The following STIM1 variants were observed in gnomAD, a reference collection of about 807,000 sequenced individuals.
STIM1 encodes the protein stromal interaction molecule 1.
A neutral mutation model predicts 74.7 loss-of-function variants in STIM1; 25 were observed. The ratio of observed to expected loss-of-function variants is 0.33; its 90% CI spans 0.24 to 0.47. STIM1 has a LOEUF of 0.47. Ranked by LOEUF, STIM1 falls within the 20% of genes least tolerant of loss-of-function variation. The pLI, the probability that STIM1 is intolerant of heterozygous loss-of-function variation, is 1.00. For missense variants in STIM1, 728 were observed against 920.8 expected, an observed-to-expected ratio of 0.79 and a Z score of 2.71; for synonymous variants, 328 against 348.8, an observed-to-expected ratio of 0.94 and a Z score of 0.66.
rs529610467 is a variant in STIM1 at position 3,873,375 on chromosome 11, G to A, written c.139+16966G>A. Among the ~76,000 whole-genome samples the A allele has an allele frequency of 4.2e-5, 6 of 142,562 alleles. No individual in the cohort carries two copies. In the South Asian group the frequency reaches 1.1e-3, roughly 26 times the overall value. 93.5% of individuals were successfully genotyped at this position (142,562 alleles called of 152,430 possible). ...GTAGGTTGCAGTGAGCCGAGATTGCGCCATTGCACTCCAGCCTGGGCAACA... is the reference window on the plus strand; with the variant it reads ...GTAGGTTGCAGTGAGCCGAGATTGCACCATTGCACTCCAGCCTGGGCAACA... On this transcript the variant is annotated intron_variant, in intron 1 of 12. Coordinates refer to ENST00000526596, the MANE Select transcript of STIM1 (RefSeq NM_001382567.1).
intron 1 of STIM1, among the ~76,000 whole-genome samples, chr11:3,964,268 G>T (rs1018445173): frequency 6.6e-6 from 1 of 152,202 alleles, no homozygotes; most frequent in Non-Finnish European, 1.5e-5. Context: ...TGCCAGATTG[G>T]AATGCGTAAG....
chr11:3,857,559 A>C (rs1440586611), intron 1 of STIM1, among the ~76,000 whole-genome samples: 1 of 151,944 alleles, frequency 6.6e-6, no homozygotes, highest in Admixed American at 6.6e-5. Context: ...GTCATTTTAC[A>C]TAAGGCTTAC....
intron 2 of STIM1, among the ~76,000 whole-genome samples, chr11:4,014,209 A>G (rs936408098): frequency 6.6e-6 from 1 of 152,166 alleles, no homozygotes; most frequent in Non-Finnish European, 1.5e-5. Context: ...TTCCCTCTAC[A>G]CACTGTTTTA....
At chr11:3,949,790 G>A (rs1155146) in intron 1 of STIM1, among the ~76,000 whole-genome samples, 52,229 of 151,982 alleles carry the variant, frequency 0.34, 9,179 homozygotes, top group South Asian at 0.48. Flanking sequence ...TGGACAAGCT[G>A]TAGTATATCA....
intron 7 of STIM1, 76 bp downstream of exon 7, chr11:4,074,755 T>C (rs2094427716): frequency 6.8e-7 from 1 of 1,467,436 alleles, no homozygotes; most frequent in African/African-American, 1.4e-5. Flanking sequence ...GCTAGAAAGT[T>C]ACATGTGTGA....
chr11:4,069,999 C>T (rs200607826), intron 5 of STIM1, 27 bp from the exon 6 acceptor site: 853 of 1,613,186 alleles, frequency 5.3e-4, no homozygotes, highest in Non-Finnish European at 6.9e-4. Flanking sequence ...GGCACCCTAA[C>T]TCATCATGCC....
intron 7 of STIM1, among the ~76,000 whole-genome samples, chr11:4,076,684 T>G (rs1273611924): frequency 6.6e-6 from 1 of 150,866 alleles, no homozygotes; most frequent in Non-Finnish European, 1.5e-5. Context: ...AGGATCTTTG[T>G]TTTTTTTCCC....
At chr11:3,953,721 T>A (rs1428891855) in intron 1 of STIM1, among the ~76,000 whole-genome samples, 1 of 152,142 alleles carries the variant, frequency 6.6e-6, no homozygotes, top group Non-Finnish European at 1.5e-5. Flanking sequence ...TCAACATCCA[T>A]TATTCCCATT....
At chr11:3,948,399 G>C (rs774690449) in intron 1 of STIM1, among the ~76,000 whole-genome samples, 2 of 151,934 alleles carry the variant, frequency 1.3e-5, no homozygotes, top group Non-Finnish European at 2.9e-5. Flanking sequence ...GGGATGAGGA[G>C]AACCTAATAT....
rs72482767 is a variant in STIM1, at chr11:3,988,488, T to C, written c.270+20806T>C. ...TTTTTTAAAGTTATTCCAGTGACTTTCCAGCTTAAAATTTGGAAGCAAATT... is the reference window on the plus strand; with the variant it reads ...TTTTTTAAAGTTATTCCAGTGACTTCCCAGCTTAAAATTTGGAAGCAAATT... On this transcript the variant is annotated intron_variant, in intron 2 of 12. Transcript: ENST00000526596. 6.5e-3 allele frequency among the ~76,000 whole-genome samples: 990 copies of C among 152,334 alleles called. 73 individuals are homozygous for C. The East Asian group carries it at 0.17, about 26-fold the overall frequency.
chr11:4,022,645 T>C (rs1237692263), intron 2 of STIM1, among the ~76,000 whole-genome samples: 2 of 152,160 alleles, frequency 1.3e-5, no homozygotes, highest in African/African-American at 4.8e-5. Flanking sequence ...ATATTCCTTC[T>C]ATACCTAATT....
intron 2 of STIM1, among the ~76,000 whole-genome samples, chr11:3,982,934 A>C (rs1290870391): frequency 6.6e-6 from 1 of 151,694 alleles, no homozygotes; most frequent in Non-Finnish European, 1.5e-5. Flanking sequence ...CTCCATTTTT[A>C]ATTTTTATTT....
At chr11:3,862,901 T>C (rs991484783) in intron 1 of STIM1, among the ~76,000 whole-genome samples, 10 of 150,908 alleles carry the variant, frequency 6.6e-5, no homozygotes, top group Non-Finnish European at 8.8e-5. Context: ...CACACACACA[T>C]ATTTTTTTGA....
chr11:4,050,902 T>G lies in STIM1; in HGVS notation c.386-4624T>G, dbSNP rs34241685. On this transcript the variant is annotated intron_variant, in intron 3 of 12. Transcript: ENST00000526596. ...AGATAATCATAAGGAAGAGAAAATA[T>G]ATTTACTGTTTATTAAGTGGAAGTG... is the stretch of plus-strand genomic sequence containing the variant. Among the ~76,000 whole-genome samples, 1,224 of 152,244 alleles carry G rather than the reference T, an allele frequency of 8.0e-3. 7 individuals are homozygous for G. The highest frequency in any genetic ancestry group is 0.012 in the Non-Finnish European group (801 of 68,024).
intron 1 of STIM1, among the ~76,000 whole-genome samples, chr11:3,908,784 A>G (rs1178285279): frequency 1.3e-5 from 2 of 152,270 alleles, no homozygotes; most frequent in East Asian, 3.9e-4. Flanking sequence ...AAGCCTAGAA[A>G]CCAGAAGAAA....
intron 2 of STIM1, among the ~76,000 whole-genome samples, chr11:4,014,072 T>G (rs964236481): frequency 6.6e-6 from 1 of 152,132 alleles, no homozygotes; most frequent in East Asian, 1.9e-4. Flanking sequence ...TGATCTTAGT[T>G]ATTTCTTGTC....
chr11:3,967,993 T>C (rs979101529), intron 2 of STIM1, among the ~76,000 whole-genome samples: 1 of 152,216 alleles, frequency 6.6e-6, no homozygotes, highest in African/African-American at 2.4e-5. Flanking sequence ...TATGGTTTCC[T>C]TGCATCCTTC....
chr11:3,899,222 G>A (rs1011553816), intron 1 of STIM1, among the ~76,000 whole-genome samples: 8 of 152,046 alleles, frequency 5.3e-5, no homozygotes, highest in Admixed American at 2.0e-4. Context: ...TCCTTGAAGA[G>A]GTCCTTCACA....
Position 3,937,999 on chromosome 11 carries a change from T to C in STIM1, c.140-29553T>C, listed in dbSNP as rs1408626319. Among the ~76,000 whole-genome samples the C allele has an allele frequency of 4.0e-5, 6 of 151,662 alleles. No homozygotes were observed. The East Asian group carries it at 1.2e-3, about 29-fold the overall frequency. ...CCCAGGCTGCAATGTAGTGGGGCGA[T>C]CTTGGCTCACTGCAACCTCCGCCTC... On this transcript the variant is annotated intron_variant, in intron 1 of 12. Coordinates refer to ENST00000526596, the MANE Select transcript of STIM1 (RefSeq NM_001382567.1).
Sources: allele counts gnomAD v4.1 joint callset (sites outside exome capture counted in the v4.1 genomes callset), GRCh38; gene constraint gnomAD v4.1.1; transcripts MANE v1.5; gene names NCBI Gene and HGNC (gene_info 2026-07-23, HGNC 2026-07-21).